The following DSE variants were observed in gnomAD, a reference collection of about 807,000 sequenced individuals.
DSE encodes dermatan-sulfate epimerase.
Under a neutral mutation model 84.4 loss-of-function variants are expected in DSE, and 36 were observed. The ratio of observed to expected loss-of-function variants is 0.43; its 90% CI spans 0.33 to 0.56. The LOEUF (loss-of-function observed/expected upper bound fraction) is 0.56, where lower values mean the gene tolerates loss of function less well. Ranked by LOEUF, DSE falls within the 20% of genes least tolerant of loss-of-function variation. DSE has a pLI of 0.06. For synonymous variants in DSE, 410 were observed against 430.1 expected (o/e 0.95, Z 0.58); for missense variants, 862 against 1,169.6 (o/e 0.74, Z 3.84).
intron 2 of DSE, among the ~76,000 whole-genome samples, chr6:116,291,492 G>A (rs1406046389): frequency 1.3e-5 from 2 of 151,792 alleles, no homozygotes; most frequent in Non-Finnish European, 2.9e-5. Flanking sequence ...CTGAAAGATA[G>A]GGAGATTAGT....
intron 2 of DSE, among the ~76,000 whole-genome samples, chr6:116,281,270 G>A (rs1475292890): frequency 6.6e-6 from 1 of 152,160 alleles, no homozygotes; most frequent in African/African-American, 2.4e-5. Context: ...AGCTTGAAAG[G>A]TAAGGAAATA....
intron 1 of DSE, among the ~76,000 whole-genome samples, chr6:116,378,220 C>T (rs1383852906): frequency 2.0e-5 from 3 of 152,148 alleles, no homozygotes; most frequent in African/African-American, 7.2e-5. Context: ...TTTCTGAATG[C>T]TTTTATCCTT....
intron 2 of DSE, chr6:116,278,561 C>T (rs567205789): frequency 4.3e-6 from 7 of 1,614,144 alleles, no homozygotes; most frequent in East Asian, 2.2e-5. Context: ...TCTACAGGCT[C>T]CCTTAGCGGG....
chr6:116,296,454 GATA>G (rs1393859587), intron 2 of DSE, among the ~76,000 whole-genome samples: 4 of 152,088 alleles, frequency 2.6e-5, no homozygotes, highest in Admixed American at 6.6e-5. Context: ...CGAGGAGAAA[GATA>G]ATAAATATGA....
At chr6:116,279,917 C>T (rs1334028624) in intron 2 of DSE, 4 of 1,572,312 alleles carry the variant, frequency 2.5e-6, no homozygotes, top group Non-Finnish European at 2.6e-6. Flanking sequence ...CACCGCCCAC[C>T]CTACAGTCTC....
At chr6:116,371,259 C>G (rs1041352563) in intron 1 of DSE, 138 bp downstream of exon 1, 3 of 967,228 alleles carry the variant, frequency 3.1e-6, no homozygotes, top group African/African-American at 1.8e-5. Flanking sequence ...GAGCGGAGCG[C>G]CGCGGGTTGC....
At chr6:116,263,794 T>C (rs1772509343) in intron 2 of DSE, among the ~76,000 whole-genome samples, 1 of 152,234 alleles carries the variant, frequency 6.6e-6, no homozygotes. Flanking sequence ...GTAAAGCAGA[T>C]CAGGTGGTAA....
intron 2 of DSE, chr6:116,401,360 T>C (rs1283338605): frequency 1.3e-5 from 2 of 152,138 alleles, no homozygotes; most frequent in African/African-American, 2.4e-5. Context: ...TCTAGTACTT[T>C]ATTCATGGCA....
intron 2 of DSE, among the ~76,000 whole-genome samples, chr6:116,292,463 T>G (rs1256517969): frequency 6.6e-6 from 1 of 152,110 alleles, no homozygotes; most frequent in Non-Finnish European, 1.5e-5. Flanking sequence ...ACAGAAAAAT[T>G]GCAGAGTTGA....
chr6:116,291,590 TTATA>T (rs959565873), intron 2 of DSE, among the ~76,000 whole-genome samples: 2 of 150,884 alleles, frequency 1.3e-5, no homozygotes, highest in Admixed American at 6.6e-5. Context: ...TTAAATATAA[TTATA>T]TATATACATA....
chr6:116,326,265 C>G (rs12195680), intron 2 of DSE, among the ~76,000 whole-genome samples: 36,926 of 151,874 alleles, frequency 0.24, 5,762 homozygotes, highest in Non-Finnish European at 0.36. Flanking sequence ...GAGGGGAGGA[C>G]GGCGGGAGTC....
intron 2 of DSE, among the ~76,000 whole-genome samples, chr6:116,411,652 G>A (rs985405060): frequency 1.3e-5 from 2 of 152,194 alleles, no homozygotes; most frequent in East Asian, 3.8e-4. Context: ...AAATCTGTAT[G>A]TATTGCTAAT....
At chr6:116,335,633 T>C (rs1290751420) in intron 2 of DSE, among the ~76,000 whole-genome samples, 2 of 152,258 alleles carry the variant, frequency 1.3e-5, no homozygotes, top group African/African-American at 4.8e-5. Flanking sequence ...TTTGTGATTC[T>C]AGAATCAGGC....
At chr6:116,434,664 A>T (rs1422020470) in intron 5 of DSE, among the ~76,000 whole-genome samples, 3 of 152,136 alleles carry the variant, frequency 2.0e-5, no homozygotes, top group African/African-American at 7.2e-5. Context: ...TGAGAGTAAG[A>T]TGGCCAATTC....
chr6:116,390,022 G>T (rs915395382), intron 1 of DSE, among the ~76,000 whole-genome samples: 6 of 150,626 alleles, frequency 4.0e-5, no homozygotes, highest in Non-Finnish European at 7.4e-5. Flanking sequence ...GGAAGGTATA[G>T]ATTTTCTTGC....
At chr6:116,282,021 A>G (rs970111098) in intron 2 of DSE, among the ~76,000 whole-genome samples, 6 of 152,262 alleles carry the variant, frequency 3.9e-5, no homozygotes, top group African/African-American at 1.2e-4. Context: ...CTGTATGACA[A>G]ACGAACTCTG....
intron 1 of DSE, among the ~76,000 whole-genome samples, chr6:116,384,503 G>T (rs1457299953): frequency 6.6e-6 from 1 of 152,186 alleles, no homozygotes; most frequent in East Asian, 1.9e-4. Context: ...CTTGGGGGAG[G>T]CTGGGAAGGC....
intron 2 of DSE, among the ~76,000 whole-genome samples, chr6:116,335,831 T>C (rs1376164480): frequency 2.0e-5 from 3 of 152,260 alleles, no homozygotes; most frequent in African/African-American, 7.2e-5. Flanking sequence ...CTTAGGAAGA[T>C]TGAGCTCTTT....
chr6:116,357,664 A>G (rs1469608207), intron 2 of DSE, among the ~76,000 whole-genome samples: 1 of 152,160 alleles, frequency 6.6e-6, no homozygotes, highest in Non-Finnish European at 1.5e-5. Context: ...TAATAGTGTT[A>G]TTGGTAAGCA....
Sources: gnomAD v4.1 joint callset for allele counts (sites outside exome capture counted in the v4.1 genomes callset) on GRCh38, gnomAD v4.1.1 for gene constraint, MANE v1.5 for transcripts, NCBI Gene and HGNC (gene_info 2026-07-23, HGNC 2026-07-21) for gene names.